PHACTR4: variants seen among roughly 807,000 people sequenced by gnomAD.
The protein encoded by PHACTR4 is phosphatase and actin regulator 4.
Under a neutral mutation model 72.7 loss-of-function variants are expected in PHACTR4, and 51 were observed. The ratio of observed to expected loss-of-function variants is 0.70; its 90% CI spans 0.56 to 0.89. The LOEUF is 0.89. PHACTR4 is among the 40% of genes least tolerant of loss of function. PHACTR4 has a pLI of 0.00. For missense variants in PHACTR4, 731 were observed against 861.8 expected (o/e 0.85, Z 1.90); for synonymous variants, 255 against 302.5 (o/e 0.84, Z 1.63).
At chr1:28,410,832 GAGT>G (rs1485758393) in intron 2 of PHACTR4, among the ~76,000 whole-genome samples, 1 of 150,402 alleles carries the variant, frequency 6.6e-6, no homozygotes, top group Admixed American at 6.6e-5. Flanking sequence ...TCAGCCTCCT[GAGT>G]AGCTGGGATT....
intron 1 of PHACTR4, among the ~76,000 whole-genome samples, chr1:28,399,247 G>GCA (rs1334009755): frequency 2.0e-5 from 3 of 151,772 alleles, no homozygotes; most frequent in Admixed American, 2.0e-4. Context: ...AGGAGGCGGG[G>GCA]GTTATAGTAA....
At chr1:28,469,814 G>A (rs972702715) in intron 6 of PHACTR4, among the ~76,000 whole-genome samples, 1 of 152,244 alleles carries the variant, frequency 6.6e-6, no homozygotes, top group African/African-American at 2.4e-5. Flanking sequence ...CCAGCACTTC[G>A]GGAGGCCGAG....
Position 28,487,508 on chromosome 1 carries a change from G to GAC in PHACTR4, c.1761-1652_1761-1651dup, listed in dbSNP as rs142557448. Among the ~76,000 whole-genome samples, 156 of 119,978 alleles carry GAC rather than the reference G, an allele frequency of 1.3e-3. 2 individuals are homozygous for GAC. Among genetic ancestry groups the GAC allele is most frequent in the Middle Eastern group, 5.7e-3 (1 of 174 alleles). 78.7% of individuals were successfully genotyped at this position (119,978 alleles called of 152,430 possible). ...TAGCCTGGGTACAGAGTGAGACCCT[G>GAC]ACACACACACAAAAAAAAAAAAAAA... On this transcript the variant is annotated intron_variant, in intron 9 of 13. Coordinates refer to ENST00000373839, the MANE Select transcript of PHACTR4 (RefSeq NM_001048183.3).
Position 28,473,920 on chromosome 1 carries a change from G to A in PHACTR4, c.1190G>A (p.Arg397Lys), listed in dbSNP as rs1286073359. 9.3e-6 allele frequency: 15 copies of A among 1,614,168 alleles called. No homozygotes were observed. Among genetic ancestry groups the A allele is most frequent in the Non-Finnish European group, 1.3e-5 (15 of 1,180,024 alleles). Residue 397 changes from arginine to lysine, a missense_variant, in exon 7 of 14, where the codon AGG becomes AAG. Coordinates refer to ENST00000373839, the MANE Select transcript of PHACTR4 (RefSeq NM_001048183.3). ...QEDQKKEVPK[R>K]ILDQNFGEPH... ...GATCAGAAAAAGGAAGTCCCCAAGA[G>A]GATACTGGACCAGAACTTTGGGGAG...
At chr1:28,445,728 C>CA (rs1163180770) in intron 2 of PHACTR4, among the ~76,000 whole-genome samples, 14 of 151,572 alleles carry the variant, frequency 9.2e-5, no homozygotes, top group Admixed American at 2.0e-4. Context: ...CCCATCTCTA[C>CA]AAAAAAAATG....
intron 2 of PHACTR4, among the ~76,000 whole-genome samples, chr1:28,446,666 C>T (rs1021608697): frequency 6.6e-6 from 1 of 152,080 alleles, no homozygotes; most frequent in African/African-American, 2.4e-5. Context: ...GTAGTCCCAG[C>T]TATTCAGGAG....
At chr1:28,426,737 A>G (rs1212742882) in intron 2 of PHACTR4, among the ~76,000 whole-genome samples, 1 of 119,678 alleles carries the variant, frequency 8.4e-6, no homozygotes, top group Non-Finnish European at 1.7e-5. Flanking sequence ...TTTTTTTTTT[A>G]ATAGAGACAA....
chr1:28,485,214 G>A (rs1660556204), intron 9 of PHACTR4, among the ~76,000 whole-genome samples: 1 of 152,170 alleles, frequency 6.6e-6, no homozygotes, highest in South Asian at 2.1e-4. Context: ...GTGATAGGGA[G>A]TTGCTAATAA....
chr1:28,424,646 A>G (rs866950366), intron 2 of PHACTR4, among the ~76,000 whole-genome samples: 9 of 150,838 alleles, frequency 6.0e-5, no homozygotes, highest in South Asian at 2.1e-4. Context: ...GTGCCACCAC[A>G]CTTGGCTTAT....
At chr1:28,427,954 A>G (rs922164108) in intron 2 of PHACTR4, among the ~76,000 whole-genome samples, 1 of 152,272 alleles carries the variant, frequency 6.6e-6, no homozygotes, top group Non-Finnish European at 1.5e-5. Flanking sequence ...TATAGAGTAC[A>G]CTATGGTCAC....
At chr1:28,464,044 C>CTTTTTTT (rs74771369) in intron 4 of PHACTR4, among the ~76,000 whole-genome samples, 1 of 131,360 alleles carries the variant, frequency 7.6e-6, no homozygotes, top group Admixed American at 7.7e-5. Context: ...ATAACCATTT[C>CTTTTTTT]TTTTTTTTTT....
In PHACTR4 at chr1:28,449,021, G is replaced by A. The variant is rs371252350; in HGVS notation, c.17-10064G>A. Among the ~76,000 whole-genome samples the A allele has an allele frequency of 2.2e-4, 33 of 151,914 alleles. No individual in the cohort carries two copies. In the South Asian group the frequency reaches 6.6e-3, roughly 31 times the overall value. ...TAGCCAGATAAGGTGGTCTGCACCT[G>A]TAGTTCTATCTTCTCAGAGGCTGAG... On this transcript the variant is annotated intron_variant, in intron 2 of 13. Coordinates refer to ENST00000373839, the MANE Select transcript of PHACTR4 (RefSeq NM_001048183.3).
Position 28,410,323 on chromosome 1 carries a change from A to G in PHACTR4, c.16+2860A>G, listed in dbSNP as rs539526258. The stretch of plus-strand genomic sequence containing the variant: ...GGTTAAATCTTGAAGAATTTGGTAA[A>G]CTGAGTTTTATTATAGTAGTCTGGT... On this transcript the variant is annotated intron_variant, in intron 2 of 13. Coordinates refer to ENST00000373839, the MANE Select transcript of PHACTR4 (RefSeq NM_001048183.3). 2.0e-5 allele frequency among the ~76,000 whole-genome samples: 3 copies of G among 152,084 alleles called. No homozygotes were observed. In the East Asian group the frequency reaches 5.8e-4, roughly 29 times the overall value.
chr1:28,462,180 G>T (rs1046005098), intron 4 of PHACTR4, among the ~76,000 whole-genome samples: 1 of 151,784 alleles, frequency 6.6e-6, no homozygotes, highest in Non-Finnish European at 1.5e-5. Flanking sequence ...GCTAATTTTT[G>T]TATTTTTAGT....
chr1:28,458,008 A>G (rs1345175468), intron 2 of PHACTR4: 3 of 256,412 alleles, frequency 1.2e-5, no homozygotes, highest in Non-Finnish European at 1.8e-5. Flanking sequence ...CCCTGCATGC[A>G]TGGTCATTAT....
Position 28,425,496 on chromosome 1 carries a change from A to G in PHACTR4, c.16+18033A>G, listed in dbSNP as rs141709351. Among the ~76,000 whole-genome samples the G allele has an allele frequency of 4.6e-5, 7 of 152,352 alleles. No homozygotes were observed. In the East Asian group the frequency reaches 1.3e-3, roughly 29 times the overall value. On this transcript the variant is annotated intron_variant, in intron 2 of 13. Coordinates refer to ENST00000373839, the MANE Select transcript of PHACTR4 (RefSeq NM_001048183.3). ...TATATAGTCATCCTAGTTCTTCTACAGGAATTTTTATTGAGTCGTAGTGTA... is the reference window on the plus strand; with the variant it reads ...TATATAGTCATCCTAGTTCTTCTACGGGAATTTTTATTGAGTCGTAGTGTA...
At position 28,459,640 on chromosome 1, in the gene PHACTR4, G is replaced by C. The variant is rs182460403; in HGVS notation, c.190+382G>C. On this transcript the variant is annotated intron_variant, in intron 3 of 13. Coordinates refer to ENST00000373839, the MANE Select transcript of PHACTR4 (RefSeq NM_001048183.3). ...TGGTCTTGAACTCCTGGGCTCAAGC[G>C]ATCCTCCCACCTCAGCCTCCCAAAG... Among the ~76,000 whole-genome samples, 573 of 151,968 alleles carry C rather than the reference G, an allele frequency of 3.8e-3. 2 individuals carry two copies. The highest frequency in any genetic ancestry group is 6.5e-3 in the Non-Finnish European group (443 of 67,966).
At chr1:28,386,663 A>T (rs1315162549) in intron 1 of PHACTR4, among the ~76,000 whole-genome samples, 2 of 152,070 alleles carry the variant, frequency 1.3e-5, no homozygotes, top group Non-Finnish European at 2.9e-5. Context: ...TGTTTTTTTA[A>T]ATAATGCTAT....
At chr1:28,412,197 G>C (rs1269718598) in intron 2 of PHACTR4, among the ~76,000 whole-genome samples, 1 of 152,176 alleles carries the variant, frequency 6.6e-6, no homozygotes, top group Non-Finnish European at 1.5e-5. Flanking sequence ...TCTATCACTA[G>C]CAACAAATAC....
Sources: gnomAD v4.1 joint callset for allele counts (sites outside exome capture counted in the v4.1 genomes callset) on GRCh38, gnomAD v4.1.1 for gene constraint, MANE v1.5 for transcripts, NCBI Gene and HGNC (gene_info 2026-07-23, HGNC 2026-07-21) for gene names.